Variants in DERA observed in about 807,000 individuals in gnomAD.
DERA encodes 2-deoxy-D-ribose 5-phosphate aldolase.
DERA carries 15 observed loss-of-function variants against 41.1 expected under a neutral mutation model. That is an observed-to-expected ratio of 0.37 (90% CI 0.24 to 0.56). The LOEUF (loss-of-function observed/expected upper bound fraction) is 0.56. Ranked by LOEUF, DERA falls within the 20% of genes least tolerant of loss-of-function variation. The pLI is 0.81. For missense variants in DERA, 396 were observed against 403.4 expected (o/e 0.98, Z 0.16); for synonymous variants, 139 against 137.4 (o/e 1.01, Z -0.08).
chr12:16,014,890 A>G lies in DERA; in HGVS notation c.638-17652A>G, dbSNP rs936861339. On this transcript the variant is annotated intron_variant, in intron 6 of 8. Transcript: ENST00000428559. This position sits in a 1 kb window ranked among gnomAD's most constrained non-coding sequence, Gnocchi z 5.4. ...CCACCTCTGCATCAGCGTGACCTTGATATGAGACATGGAGTCAAAGGAGAT... is the reference window on the plus strand; with the variant it reads ...CCACCTCTGCATCAGCGTGACCTTGGTATGAGACATGGAGTCAAAGGAGAT... Among the ~76,000 whole-genome samples the G allele has an allele frequency of 8.5e-5, 13 of 152,204 alleles. No homozygotes were observed. The highest frequency in any genetic ancestry group is 7.2e-4 in the Admixed American group (11 of 15,288).
intron 5 of DERA, among the ~76,000 whole-genome samples, chr12:15,979,475 A>T (rs1207213426): frequency 6.6e-6 from 1 of 152,230 alleles, no homozygotes; most frequent in East Asian, 1.9e-4. Context: ...AGAAGCAATC[A>T]CTTGATAGAG....
chr12:15,926,200 T>G (rs1948282049), intron 1 of DERA, among the ~76,000 whole-genome samples: 2 of 151,978 alleles, frequency 1.3e-5, no homozygotes, highest in South Asian at 4.1e-4. Context: ...CACTGTTTTT[T>G]TTTTCTTTTC....
chr12:15,951,711 C>T (rs140747774), intron 1 of DERA, among the ~76,000 whole-genome samples: 69 of 152,244 alleles, frequency 4.5e-4, no homozygotes, highest in African/African-American at 1.6e-3. Context: ...TGAAGAAAAA[C>T]ACTTCTATCA....
At position 15,965,595 on chromosome 12, in the gene DERA, G is replaced by A. The variant is rs774266372; in HGVS notation, c.508+2648G>A. ...TGGATGTGAGAGTCCACAGTTTAGGGTATGAATTCGAGGAGACTGGAGTTT... is the reference window on the plus strand; with the variant it reads ...TGGATGTGAGAGTCCACAGTTTAGGATATGAATTCGAGGAGACTGGAGTTT... On this transcript the variant is annotated intron_variant, in intron 5 of 8. Coordinates refer to ENST00000428559, the MANE Select transcript of DERA (RefSeq NM_015954.4). The surrounding 1 kb of genome is among the most constrained non-coding windows in gnomAD (Gnocchi z 4.1). Among the ~76,000 whole-genome samples, 1 of 152,080 alleles carries A rather than the reference G, an allele frequency of 6.6e-6. No homozygotes were observed. The highest frequency in any genetic ancestry group is 1.5e-5 in the Non-Finnish European group (1 of 68,014).
In DERA at chr12:15,913,446, G is replaced by A. The variant is rs1371351836; in HGVS notation, c.31+2032G>A. On this transcript the variant is annotated intron_variant, in intron 1 of 8. Coordinates refer to ENST00000428559, the MANE Select transcript of DERA (RefSeq NM_015954.4). This position sits in a 1 kb window ranked among gnomAD's most constrained non-coding sequence, Gnocchi z 4.5. The stretch of plus-strand genomic sequence containing the variant: ...TAATTTATGCAGTATATTAACTGAT[G>A]ATTTTTAAAATAGTTTTCTAATTGA... Among the ~76,000 whole-genome samples the A allele has an allele frequency of 6.6e-6, 1 of 152,156 alleles. No homozygotes were observed. The highest frequency in any genetic ancestry group is 2.4e-5 in the African/African-American group (1 of 41,442).
At position 15,918,744 on chromosome 12, in the gene DERA, T is replaced by TA. The variant is rs1364682547; in HGVS notation, c.31+7331dup. On this transcript the variant is annotated intron_variant, in intron 1 of 8. Transcript: ENST00000428559. The surrounding 1 kb of genome is among the most constrained non-coding windows in gnomAD (Gnocchi z 4.3). ...GGAGATGTTTATGTAAATCACCACA[T>TA]ACGGCATGTTAAAACTGACAACAGG... Among the ~76,000 whole-genome samples, 24 of 152,132 alleles carry TA rather than the reference T, an allele frequency of 1.6e-4. No individual in the cohort carries two copies. The highest frequency in any genetic ancestry group is 1.5e-3 in the Admixed American group (23 of 15,268).
Position 15,994,158 on chromosome 12 carries a change from T to C in DERA, c.637+11722T>C, listed in dbSNP as rs771955920. On this transcript the variant is annotated intron_variant, in intron 6 of 8. Coordinates refer to ENST00000428559, the MANE Select transcript of DERA (RefSeq NM_015954.4). The surrounding 1 kb of genome is among the most constrained non-coding windows in gnomAD (Gnocchi z 4.8). ...ATTCACAGGTGCAAAGACTGGTACA[T>C]AGTAAATGCCTAGTACATGCTTGCT... 9.2e-5 allele frequency among the ~76,000 whole-genome samples: 14 copies of C among 152,210 alleles called. No individual in the cohort carries two copies. The highest frequency in any genetic ancestry group is 1.6e-4 in the Non-Finnish European group (11 of 68,034).
In DERA at chr12:16,036,174, T is replaced by C. The variant is rs778960204; in HGVS notation, c.751-58T>C. 26 of 1,414,306 alleles carry C rather than the reference T, an allele frequency of 1.8e-5. No homozygotes were observed. Among genetic ancestry groups the C allele is most frequent in the Non-Finnish European group, 2.3e-5 (25 of 1,071,974 alleles). 87.6% of individuals were successfully genotyped at this position (1,414,306 alleles called of 1,614,324 possible). A position where few individuals can be genotyped will look rare whatever the true frequency, so the allele number is the denominator to read the frequency against. ...CAAGACTCTGATAAACATAGTACTA[T>C]TTTTAAAAGAAATCCAATAACAATA... is the stretch of plus-strand genomic sequence containing the variant. On this transcript the variant is annotated intron_variant, in intron 7 of 8. Coordinates refer to ENST00000428559, the MANE Select transcript of DERA (RefSeq NM_015954.4). This position sits in a 1 kb window ranked among gnomAD's most constrained non-coding sequence, Gnocchi z 4.9.
At position 15,911,469 on chromosome 12, in the gene DERA, G is replaced by C. The variant is rs190499094; in HGVS notation, c.31+55G>C. 4.3e-6 allele frequency: 6 copies of C among 1,400,664 alleles called. No individual in the cohort carries two copies. The Admixed American group carries it at 1.3e-4, about 29-fold the overall frequency. 86.8% of individuals were successfully genotyped at this position (1,400,664 alleles called of 1,614,324 possible). A position where few individuals can be genotyped will look rare whatever the true frequency, so the allele number is the denominator to read the frequency against. On this transcript the variant is annotated intron_variant, in intron 1 of 8. Transcript: ENST00000428559. This position sits in a 1 kb window ranked among gnomAD's most constrained non-coding sequence, Gnocchi z 4.5. ...TCTCCCTCGCGTTCAGCGCCGCCGG[G>C]ACTAGCGCGGGGCCTGCTGCCGCCC...
chr12:15,978,680 C>A (rs1421187565), intron 5 of DERA, among the ~76,000 whole-genome samples: 2 of 152,090 alleles, frequency 1.3e-5, no homozygotes, highest in African/African-American at 4.8e-5. Flanking sequence ...CCGTTTCCCC[C>A]AGACTGTTTT....
Position 15,943,606 on chromosome 12 carries a change from C to T in DERA, c.32-13330C>T, listed in dbSNP as rs1215748321. Among the ~76,000 whole-genome samples, 2 of 152,096 alleles carry T rather than the reference C, an allele frequency of 1.3e-5. No homozygotes were observed. The highest frequency in any genetic ancestry group is 2.1e-4 in the South Asian group (1 of 4,832). ...CACAGTACATGCCACACAGTACACA[C>T]GGGTTTGAAACAGAACTTCCACGAA... is the stretch of plus-strand genomic sequence containing the variant. On this transcript the variant is annotated intron_variant, in intron 1 of 8. Transcript: ENST00000428559. The surrounding 1 kb of genome is among the most constrained non-coding windows in gnomAD (Gnocchi z 4.5).
rs1948698532 is a variant in DERA at position 15,976,538 on chromosome 12, C to T, written c.509-5770C>T. 2.0e-5 allele frequency among the ~76,000 whole-genome samples: 3 copies of T among 152,288 alleles called. No homozygotes were observed. The highest frequency in any genetic ancestry group is 3.4e-3 in the Middle Eastern group (1 of 294). On this transcript the variant is annotated intron_variant, in intron 5 of 8. Coordinates refer to ENST00000428559, the MANE Select transcript of DERA (RefSeq NM_015954.4). This position sits in a 1 kb window ranked among gnomAD's most constrained non-coding sequence, Gnocchi z 4.1. ...GTGTGGCTGAGAAAATCCCTGCTCTCCCTTGTCTGTGGTTGAGAGCTCCCA... is the reference window on the plus strand; with the variant it reads ...GTGTGGCTGAGAAAATCCCTGCTCTTCCTTGTCTGTGGTTGAGAGCTCCCA...
In DERA at chr12:15,962,899, A is replaced by G. The variant is rs767311976; in HGVS notation, c.460A>G (p.Ile154Val). Residue 154 changes from isoleucine to valine, a missense_variant, in exon 5 of 9, where the codon ATC becomes GTC. Transcript: ENST00000428559. ...GGCTGTGGAAGATGGAGCTACAGAAATCGACGTGGTAATTAACAGAAGCTT... is the reference window on the plus strand; with the variant it reads ...GGCTGTGGAAGATGGAGCTACAGAAGTCGACGTGGTAATTAACAGAAGCTT... ...RLAVEDGATEIDVVINRSLVL... is the reference protein window; with the variant it reads ...RLAVEDGATEVDVVINRSLVL... 3 of 1,598,458 alleles carry G rather than the reference A, an allele frequency of 1.9e-6. No homozygotes were observed. Among genetic ancestry groups the G allele is most frequent in the African/African-American group, 2.7e-5 (2 of 74,830 alleles).
In DERA at chr12:15,981,124, G is replaced by A. The variant is rs113474837; in HGVS notation, c.509-1184G>A. ...AGCACTTTGGGACGCTGAGGCAGGC[G>A]GATTACCAGATCAGGAGATCGAGAC... On this transcript the variant is annotated intron_variant, in intron 5 of 8. Coordinates refer to ENST00000428559, the MANE Select transcript of DERA (RefSeq NM_015954.4). This position sits in a 1 kb window ranked among gnomAD's most constrained non-coding sequence, Gnocchi z 6.1. 2.6e-5 allele frequency among the ~76,000 whole-genome samples: 4 copies of A among 152,144 alleles called. No homozygotes were observed. The highest frequency in any genetic ancestry group is 7.2e-5 in the African/African-American group (3 of 41,500).
Position 15,928,644 on chromosome 12 carries a change from C to G in DERA, c.31+17230C>G, listed in dbSNP as rs1486664947. ...CTCTTATTGCATGCTTTTCCCACCC[C>G]CGAGGTGTCTACTTGGAGAGTTTCC... is the stretch of plus-strand genomic sequence containing the variant. On this transcript the variant is annotated intron_variant, in intron 1 of 8. Coordinates refer to ENST00000428559, the MANE Select transcript of DERA (RefSeq NM_015954.4). This position sits in a 1 kb window ranked among gnomAD's most constrained non-coding sequence, Gnocchi z 4.6. Among the ~76,000 whole-genome samples, 1 of 152,106 alleles carries G rather than the reference C, an allele frequency of 6.6e-6. No individual in the cohort carries two copies. Among genetic ancestry groups the G allele is most frequent in the East Asian group, 1.9e-4 (1 of 5,182 alleles).
Position 16,008,055 on chromosome 12 carries a change from G to T in DERA, c.638-24487G>T, listed in dbSNP as rs756151672. ...TTTAGTAGAGACAGAGTTTTGCCCT[G>T]TTGGCCTGGCTGGTCTTGAACTCGT... is the stretch of plus-strand genomic sequence containing the variant. On this transcript the variant is annotated intron_variant, in intron 6 of 8. Transcript: ENST00000428559. This position sits in a 1 kb window ranked among gnomAD's most constrained non-coding sequence, Gnocchi z 4.8. 1.3e-5 allele frequency among the ~76,000 whole-genome samples: 2 copies of T among 152,148 alleles called. No homozygotes were observed. The highest frequency in any genetic ancestry group is 2.9e-5 in the Non-Finnish European group (2 of 68,038).
At chr12:16,032,433 C>T (rs533343751) in intron 6 of DERA, 109 bp from the exon 7 acceptor site, 3 of 623,312 alleles carry the variant, frequency 4.8e-6, no homozygotes, top group Non-Finnish European at 5.4e-6. Context: ...TGAAAAATAA[C>T]ATTGGGTTTC....
At chr12:15,975,332 T>TG (rs1458628947) in intron 5 of DERA, among the ~76,000 whole-genome samples, 8 of 151,736 alleles carry the variant, frequency 5.3e-5, no homozygotes, top group African/African-American at 1.9e-4. Flanking sequence ...AGTTTTTGGG[T>TG]GGGGGCCACA....
chr12:15,955,311 G>T (rs1948529870), intron 1 of DERA, among the ~76,000 whole-genome samples: 1 of 149,758 alleles, frequency 6.7e-6, no homozygotes, highest in Non-Finnish European at 1.5e-5. Flanking sequence ...AAAAAAAAAA[G>T]AGGCTCCCCT....
Sources: gnomAD v4.1 joint callset for allele counts (sites outside exome capture counted in the v4.1 genomes callset) on GRCh38, gnomAD v4.1.1 for gene constraint, Gnocchi (gnomAD v3.1) non-coding constraint, MANE v1.5 for transcripts, NCBI Gene and HGNC (gene_info 2026-07-23, HGNC 2026-07-21) for gene names.